Variants in MYO15A observed in about 807,000 individuals in gnomAD.
The protein encoded by MYO15A is myosin XVA, also known as unconventional myosin-XV.
Under a neutral mutation model 394.6 loss-of-function variants are expected in MYO15A, and 308 were observed. The observed-to-expected ratio is 0.78, with a 90% CI of 0.71 to 0.86. The LOEUF is 0.86. Ranked by LOEUF, MYO15A falls within the 40% of genes least tolerant of loss-of-function variation. The pLI is 0.00. For synonymous variants in MYO15A, 1,957 were observed against 2,003.8 expected, an observed-to-expected ratio of 0.98 and a Z score of 0.62; for missense variants, 4,606 against 4,799.1, an observed-to-expected ratio of 0.96 and a Z score of 1.19.
chr17:18,157,592 G>T (rs2046698186), intron 50 of MYO15A, 130 bp from the exon 51 acceptor site: 1 of 1,499,992 alleles, frequency 6.7e-7, no homozygotes. Context: ...TGTAAAATGG[G>T]TTTGATGGCC....
Position 18,119,654 on chromosome 17 carries a change from A to AT in MYO15A, c.855dup (p.Pro286SerfsTer15), listed in dbSNP as rs2045868233. On this transcript the variant is annotated frameshift_variant, in exon 2 of 66. Transcript: ENST00000647165. LOFTEE classifies it high-confidence loss of function. ...CACTACTACGGGTACCCGCCCGAGG[A>AT]TCCCTACGACTACTACCACCCCGAC... is the stretch of plus-strand genomic sequence containing the variant. 1 of 1,604,502 alleles carries AT rather than the reference A, an allele frequency of 6.2e-7. No homozygotes were observed. Among genetic ancestry groups the AT allele is most frequent in the Non-Finnish European group, 8.5e-7 (1 of 1,179,908 alleles).
At position 18,142,125 on chromosome 17, in the gene MYO15A, A is replaced by G. The variant is rs1396614579; in HGVS notation, c.5696A>G (p.Glu1899Gly). The G allele has an allele frequency of 1.2e-6, 2 of 1,613,666 alleles. No individual in the cohort carries two copies. The highest frequency in any genetic ancestry group is 1.7e-6 in the Non-Finnish European group (2 of 1,180,032). ...TACCAGCTGCTGGAGAGTATGCGAG[A>G]GCATGTCCTGAATCTGGCAGCCCTC... ...HLYQLLESMR[E>G]HVLNLAALTL... The change falls in exon 24 of 66, where the codon GAG (glutamate) becomes GGG (glycine). Residue 1899 changes from glutamate to glycine, a missense_variant. Around this residue, in one of 2 missense-constraint regions of MYO15A, gnomAD observed 2,776 missense variants for 3,109.3 expected, o/e 0.89. Transcript: ENST00000647165.
Position 18,146,087 on chromosome 17 carries a change from C to T in MYO15A, c.6489C>T (p.Cys2163=). The change falls in exon 30 of 66, where the codon TGC becomes TGT. Residue 2163 remains cysteine (C), a synonymous_variant. Transcript: ENST00000647165. ...ACLSGFAPSP[C]FNKYLLKFVS... The stretch of plus-strand genomic sequence containing the variant: ...TCAGTGGCTTTGCACCTTCCCCGTG[C>T]TTCAACAAGTACCTTCTCAAGTGAG... 6.2e-7 allele frequency: 1 copy of T among 1,613,904 alleles called. No individual in the cohort carries two copies.
rs1436217946 is a variant in MYO15A, at chr17:18,120,735, C to T, written c.1935C>T (p.Pro645=). Residue 645 remains proline, a synonymous_variant, in exon 2 of 66, where the codon CCC becomes CCT. Coordinates refer to ENST00000647165, the MANE Select transcript of MYO15A (RefSeq NM_016239.4). ...ARSSNDARRP[P]APQPAPRTLS... ...GCAGCAACGACGCGCGCCGCCCGCC[C>T]GCGCCACAGCCCGCGCCCAGGACCC... 4 of 1,471,406 alleles carry T rather than the reference C, an allele frequency of 2.7e-6. No homozygotes were observed. Among genetic ancestry groups the T allele is most frequent in the Non-Finnish European group, 2.7e-6 (3 of 1,121,676 alleles). The allele number at this position is 1,471,406 out of a possible 1,614,324, so 91.1% of individuals were successfully genotyped here.
In MYO15A at chr17:18,145,961, T is replaced by C; in HGVS notation, c.6363T>C (p.Pro2121=). The C allele has an allele frequency of 3.1e-6, 5 of 1,613,784 alleles. No individual in the cohort carries two copies. The highest frequency in any genetic ancestry group is 4.2e-6 in the Non-Finnish European group (5 of 1,180,016). ...TCGTGCAGAAGGGGCTGGCGGTGCC[T>C]GAGCTGCGGGATGAGATCCTGGCAC... ...NYIVQKGLAV[P]ELRDEILAQL... Residue 2121 remains proline, a synonymous_variant, in exon 30 of 66, where the codon CCT becomes CCC. Transcript: ENST00000647165.
rs772401907 is a variant in MYO15A, at chr17:18,148,836, C to G, written c.6840C>G (p.His2280Gln). The change falls in exon 33 of 66, where the codon CAC becomes CAG. Residue 2280 changes from histidine to glutamine, a missense_variant. Around this residue, in one of 2 missense-constraint regions of MYO15A, gnomAD observed 2,776 missense variants for 3,109.3 expected, o/e 0.89. Coordinates refer to ENST00000647165, the MANE Select transcript of MYO15A (RefSeq NM_016239.4). The surrounding 1 kb of genome is among the most constrained non-coding windows in gnomAD (Gnocchi z 4.8). ...NGVQWAELAG[H>Q]DYVLDLVSDL... ...TCCAGTGGGCAGAGCTGGCTGGCCA[C>G]GACTACGTGTTAGACCTGGTGTCGG... 1 of 1,606,192 alleles carries G rather than the reference C, an allele frequency of 6.2e-7. No homozygotes were observed. Among genetic ancestry groups the G allele is most frequent in the South Asian group, 1.1e-5 (1 of 89,526 alleles).
chr17:18,152,047 C>G, intron 41 of MYO15A, 65 bp from the exon 42 acceptor site: 1 of 1,538,966 alleles, frequency 6.5e-7, no homozygotes, highest in South Asian at 1.2e-5. Flanking sequence ...AAGCTGTGGC[C>G]CTGCCACTGC....
chr17:18,158,234 T>G (rs905437966), intron 51 of MYO15A: 21 of 587,852 alleles, frequency 3.6e-5, no homozygotes, highest in African/African-American at 2.8e-4. Flanking sequence ...GTGGGCGGCT[T>G]GTGGAGCTAG....
Position 18,138,210 on chromosome 17 carries a change from C to T in MYO15A, c.4971C>T (p.Ile1657=), listed in dbSNP as rs767661307. The part of the protein sequence containing the change: ...INLISLKPYG[I]LRILDDQCCF... ...TCATCTCACTGAAGCCTTATGGCAT[C>T]CTGCGGATCCTTGACGACCAGTGTT... The change falls in exon 17 of 66, where the codon ATC becomes ATT. Residue 1657 remains isoleucine, a synonymous_variant. Coordinates refer to ENST00000647165, the MANE Select transcript of MYO15A (RefSeq NM_016239.4). The T allele has an allele frequency of 6.2e-7, 1 of 1,613,650 alleles. No homozygotes were observed. Among genetic ancestry groups the T allele is most frequent in the South Asian group, 1.1e-5 (1 of 91,082 alleles).
At chr17:18,157,112 A>G (rs2046688631) in intron 49 of MYO15A, 44 bp from the exon 50 acceptor site, 1 of 1,611,714 alleles carries the variant, frequency 6.2e-7, no homozygotes, top group Non-Finnish European at 8.5e-7. Context: ...GAGGCTGGCC[A>G]AGGGGGCCTC....
chr17:18,138,916 G>C lies in MYO15A; in HGVS notation c.5113G>C (p.Ala1705Pro). 6.2e-7 allele frequency: 1 copy of C among 1,612,854 alleles called. No individual in the cohort carries two copies. The change falls in exon 18 of 66, where the codon GCA (alanine) becomes CCA (proline). Residue 1705 changes from alanine to proline, a missense_variant. By Grantham distance (27) the Ala-to-Pro change is conservative. Transcript: ENST00000647165. Reference sequence around the variant, plus strand: ...GCCTGAGTTCACCATCAAGCACTATGCAGGCAAGGTCACCTACCAGGTGAG... The same window carrying C: ...GCCTGAGTTCACCATCAAGCACTATCCAGGCAAGGTCACCTACCAGGTGAG... ...PLPEFTIKHY[A>P]GKVTYQVHKF...
At position 18,118,916 on chromosome 17, in the gene MYO15A, G is replaced by C. The variant is rs1455120195; in HGVS notation, c.116G>C (p.Gly39Ala). 1 of 1,613,726 alleles carries C rather than the reference G, an allele frequency of 6.2e-7. No individual in the cohort carries two copies. The highest frequency in any genetic ancestry group is 1.3e-5 in the African/African-American group (1 of 74,924). ...SLKGTSRLFM[G>A]FRDRTPKISK... Reference sequence around the variant, plus strand: ...AAGGGGACGTCGCGGCTGTTCATGGGCTTCCGCGACCGTACACCCAAGATC... The same window carrying C: ...AAGGGGACGTCGCGGCTGTTCATGGCCTTCCGCGACCGTACACCCAAGATC... Residue 39 changes from glycine to alanine, a missense_variant, in exon 2 of 66, where the codon GGC becomes GCC. This residue lies in a region of MYO15A where 1,830 missense variants were observed against 1,689.7 expected (regional missense o/e 1.08). Transcript: ENST00000647165.
rs76468019 is a variant in MYO15A, at chr17:18,122,213, A to G, written c.3413A>G (p.Gln1138Arg). 6.5e-3 allele frequency: 10,543 copies of G among 1,613,148 alleles called. 300 individuals are homozygous for G. In the East Asian group the frequency reaches 0.088, roughly 14 times the overall value. The change falls in exon 2 of 66, where the codon CAA (glutamine) becomes CGA (arginine). Residue 1138 changes from glutamine (Q) to arginine (R), a missense_variant. Transcript: ENST00000647165. Reference sequence around the variant, plus strand: ...GTTGGGCCTGCAACCCTGAAGCCTCAAGTCCAGCCCATTCAGGACCCCAAG... The same window carrying G: ...GTTGGGCCTGCAACCCTGAAGCCTCGAGTCCAGCCCATTCAGGACCCCAAG... ...QRVGPATLKP[Q>R]VQPIQDPKPR...
intron 56 of MYO15A, 116 bp downstream of exon 56, chr17:18,160,133 C>A: frequency 1.1e-6 from 1 of 944,526 alleles, no homozygotes; most frequent in South Asian, 1.4e-5. Context: ...TTCCTCTCAC[C>A]CTCATCCTCA....
chr17:18,138,761 C>T (rs2046324874), intron 17 of MYO15A, 50 bp from the exon 18 acceptor site: 2 of 1,607,422 alleles, frequency 1.2e-6, no homozygotes, highest in South Asian at 1.1e-5. Flanking sequence ...AGGCCAGGAA[C>T]AGGGTGTCCA....
In MYO15A at chr17:18,120,189, G is replaced by C; in HGVS notation, c.1389G>C (p.Met463Ile). The part of the protein sequence containing the change: ...PSAAFFEQQG[M>I]DKPARSKLSL... ...CCGCCTTCTTCGAGCAGCAAGGCAT[G>C]GATAAGCCCGCCAGGTCCAAGCTGT... is the stretch of plus-strand genomic sequence containing the variant. The change falls in exon 2 of 66, where the codon ATG (methionine) becomes ATC (isoleucine). Residue 463 changes from methionine to isoleucine, a missense_variant. Met to Ile is a conservative substitution (Grantham distance 10). Transcript: ENST00000647165. 6.2e-7 allele frequency: 1 copy of C among 1,612,888 alleles called. No individual in the cohort carries two copies.
chr17:18,122,643 C>T, intron 2 of MYO15A: 2 of 611,838 alleles, frequency 3.3e-6, no homozygotes, highest in Admixed American at 3.2e-5. Flanking sequence ...AAACTGCTTC[C>T]AGGTCACTCT....
rs1454926992 is a variant in MYO15A, at chr17:18,143,963, A to G, written c.6140A>G (p.Asn2047Ser). Residue 2047 changes from asparagine (N) to serine (S), a missense_variant, in exon 28 of 66, where the codon AAC becomes AGC. By Grantham distance (46) the Asn-to-Ser change is conservative (BLOSUM62 1). This residue lies in a region of MYO15A where 2,776 missense variants were observed against 3,109.3 expected (regional missense o/e 0.89). Transcript: ENST00000647165. ...PRVTLPLDINNYPMAKFVQCH... is the reference protein window; with the variant it reads ...PRVTLPLDINSYPMAKFVQCH... The stretch of plus-strand genomic sequence containing the variant: ...GTCACACTGCCCCTGGACATCAACA[A>G]CTATCCTATGGCCAAGTTTGTCCAG... The G allele has an allele frequency of 6.2e-7, 1 of 1,613,126 alleles. No individual in the cohort carries two copies. Among genetic ancestry groups the G allele is most frequent in the African/African-American group, 1.3e-5 (1 of 74,924 alleles).
Position 18,147,775 on chromosome 17 carries a change from C to T in MYO15A, c.6510-254C>T, listed in dbSNP as rs560958737. ...TAGCCTGGGACCCTTTCAGTTTAGC[C>T]GTGGGACTCTAAACTACCCTGAGAT... On this transcript the variant is annotated intron_variant, in intron 30 of 65. Coordinates refer to ENST00000647165, the MANE Select transcript of MYO15A (RefSeq NM_016239.4). The surrounding 1 kb of genome is among the most constrained non-coding windows in gnomAD (Gnocchi z 4.4). 2.6e-3 allele frequency among the ~76,000 whole-genome samples: 395 copies of T among 152,224 alleles called. 4 individuals carry two copies. The highest frequency in any genetic ancestry group is 9.0e-3 in the African/African-American group (375 of 41,536).
Sources: gnomAD v4.1 joint callset for allele counts (sites outside exome capture counted in the v4.1 genomes callset) on GRCh38, gnomAD v4.1.1 for gene constraint, gnomAD v4.1.1 regional missense constraint, Gnocchi (gnomAD v3.1) non-coding constraint, MANE v1.5 for transcripts, NCBI Gene and HGNC (gene_info 2026-07-23, HGNC 2026-07-21) for gene names.